YEATS4: variants seen among roughly 807,000 people sequenced by gnomAD.
YEATS4 encodes YEATS domain-containing protein 4.
A neutral mutation model predicts 30.1 loss-of-function variants in YEATS4; 17 were observed. The observed-to-expected ratio is 0.56, with a 90% CI of 0.39 to 0.85. The LOEUF (loss-of-function observed/expected upper bound fraction) is 0.85. YEATS4 is among the 40% of genes least tolerant of loss of function. YEATS4 has a pLI of 0.00. For synonymous variants in YEATS4, 85 were observed against 87.5 expected, an observed-to-expected ratio of 0.97 and a Z score of 0.16; for missense variants, 142 against 268.3, an observed-to-expected ratio of 0.53 and a Z score of 3.29.
chr12:69,390,424 A>T lies in YEATS4; in HGVS notation c.*108A>T. ...GTGATGTTTCTTAGAGGAACTTCAT[A>T]TACAGCTGTTGACCATGAATTTCTT... On this transcript the variant is annotated 3_prime_UTR_variant, in exon 7 of 7. Coordinates refer to ENST00000247843, the MANE Select transcript of YEATS4 (RefSeq NM_006530.4). The T allele has an allele frequency of 9.8e-7, 1 of 1,016,634 alleles. No individual in the cohort carries two copies. The highest frequency in any genetic ancestry group is 1.4e-6 in the Non-Finnish European group (1 of 728,950). 63.0% of individuals were successfully genotyped at this position (1,016,634 alleles called of 1,614,324 possible). A position where few individuals can be genotyped will look rare whatever the true frequency, so the allele number is the denominator to read the frequency against.
At chr12:69,383,839 T>A (rs1376190342) in intron 6 of YEATS4, among the ~76,000 whole-genome samples, 1 of 152,170 alleles carries the variant, frequency 6.6e-6, no homozygotes, top group Non-Finnish European at 1.5e-5. Flanking sequence ...GGAGCAGTAG[T>A]CTTTGAAGCA....
intron 6 of YEATS4, among the ~76,000 whole-genome samples, chr12:69,382,984 G>A (rs1341687255): frequency 6.6e-6 from 1 of 152,172 alleles, no homozygotes; most frequent in Non-Finnish European, 1.5e-5. Context: ...TGGCGGCCAG[G>A]TGTGATGGCT....
chr12:69,375,463 C>T (rs561969117), intron 6 of YEATS4, among the ~76,000 whole-genome samples: 11 of 151,704 alleles, frequency 7.3e-5, no homozygotes, highest in Middle Eastern at 3.4e-3. Context: ...AGACGATGGG[C>T]GGCCAGGCAG....
the YEATS4 span, among the ~76,000 whole-genome samples, chr12:69,408,393 A>G: frequency 6.6e-6 from 1 of 152,322 alleles, no homozygotes; most frequent in African/African-American, 2.4e-5. Flanking sequence ...TGCTTGCTGT[A>G]GGTTGAGTAT....
At chr12:69,379,824 A>G (rs1876004594) in intron 6 of YEATS4, among the ~76,000 whole-genome samples, 1 of 151,098 alleles carries the variant, frequency 6.6e-6, no homozygotes, top group Non-Finnish European at 1.5e-5. Context: ...TGAATTTGCA[A>G]ATAGCCTCTC....
At chr12:69,386,901 A>G (rs1328978708) in intron 6 of YEATS4, among the ~76,000 whole-genome samples, 1 of 152,194 alleles carries the variant, frequency 6.6e-6, no homozygotes, top group Non-Finnish European at 1.5e-5. Context: ...TAATTTATAA[A>G]TTAGGCACAA....
chr12:69,413,849 CAA>C, the YEATS4 span, among the ~76,000 whole-genome samples: 49 of 127,182 alleles, frequency 3.9e-4, no homozygotes, highest in Admixed American at 4.0e-4. Flanking sequence ...AAGACTTCGT[CAA>C]AAAAAAAAAA....
intron 4 of YEATS4, 44 bp from the exon 5 acceptor site, chr12:69,370,662 A>G: frequency 6.9e-7 from 1 of 1,457,426 alleles, no homozygotes; most frequent in Non-Finnish European, 9.1e-7. Flanking sequence ...TCTTATGATG[A>G]TAAAAACCAT....
chr12:69,374,189 G>T (rs1875754724), intron 6 of YEATS4, among the ~76,000 whole-genome samples: 1 of 151,782 alleles, frequency 6.6e-6, no homozygotes, highest in African/African-American at 2.4e-5. Context: ...TTTTGATAGG[G>T]ATTGCAGTGA....
chr12:69,391,379 C>T (rs12307413), downstream of YEATS4, among the ~76,000 whole-genome samples: 2 of 152,164 alleles, frequency 1.3e-5, no homozygotes, highest in African/African-American at 4.8e-5. Flanking sequence ...TACTCCTACC[C>T]TCTCCTCTTT....
At position 69,359,852 on chromosome 12, in the gene YEATS4, C is replaced by G; in HGVS notation, c.-121C>G. ...GCCGTGAGCCCAAGTAACTCGCCCT[C>G]CTTCGGCTAGAAACCCTCCGCCTGG... On this transcript the variant is annotated 5_prime_UTR_variant, in exon 1 of 7. Coordinates refer to ENST00000247843, the MANE Select transcript of YEATS4 (RefSeq NM_006530.4). 1 of 1,241,324 alleles carries G rather than the reference C, an allele frequency of 8.1e-7. No individual in the cohort carries two copies. Among genetic ancestry groups the G allele is most frequent in the South Asian group, 1.4e-5 (1 of 69,912 alleles). 76.9% of individuals were successfully genotyped at this position (1,241,324 alleles called of 1,614,324 possible). A position where few individuals can be genotyped will look rare whatever the true frequency, so the allele number is the denominator to read the frequency against.
intron 6 of YEATS4, among the ~76,000 whole-genome samples, chr12:69,386,550 A>AT (rs1868252499): frequency 6.6e-6 from 1 of 152,192 alleles, no homozygotes; most frequent in Admixed American, 6.5e-5. Flanking sequence ...TGATTACCTC[A>AT]TAACATTAGT....
At chr12:69,363,210 G>A (rs1304307325) in intron 2 of YEATS4, among the ~76,000 whole-genome samples, 1 of 151,606 alleles carries the variant, frequency 6.6e-6, no homozygotes, top group Admixed American at 6.6e-5. Flanking sequence ...AGCCAGGATG[G>A]TCTCAATCTC....
At position 69,388,399 on chromosome 12, in the gene YEATS4, G is replaced by C. The variant is rs559357117; in HGVS notation, c.515-1748G>C. On this transcript the variant is annotated intron_variant, in intron 6 of 6. Coordinates refer to ENST00000247843, the MANE Select transcript of YEATS4 (RefSeq NM_006530.4). ...TGGAGCCTTAGAAATGTTAGCATTC[G>C]GCTAATAAGGAAGCAAGGGTTTATT... Among the ~76,000 whole-genome samples the C allele has an allele frequency of 3.2e-4, 48 of 152,248 alleles. 1 individual carries two copies. In the Middle Eastern group the frequency reaches 0.01, roughly 32 times the overall value.
downstream of YEATS4, among the ~76,000 whole-genome samples, chr12:69,393,810 C>G (rs891186347): frequency 1.3e-5 from 2 of 152,210 alleles, no homozygotes; most frequent in Non-Finnish European, 2.9e-5. Context: ...TCTGAACTCT[C>G]GTGTGTGCTT....
chr12:69,365,565 G>T (rs1438872601), intron 2 of YEATS4, 68 bp from the exon 3 acceptor site: 1 of 1,112,982 alleles, frequency 9.0e-7, no homozygotes, highest in Admixed American at 1.9e-5. Flanking sequence ...AAGTATATAC[G>T]CTCAGTGTAT....
the YEATS4 span, among the ~76,000 whole-genome samples, chr12:69,419,301 G>A: frequency 2.0e-5 from 3 of 147,324 alleles, no homozygotes; most frequent in Non-Finnish European, 4.5e-5. Context: ...ACCCACTGCA[G>A]CCTCAACCTC....
chr12:69,361,161 G>A (rs941680298), intron 1 of YEATS4, among the ~76,000 whole-genome samples: 1 of 151,864 alleles, frequency 6.6e-6, no homozygotes, highest in African/African-American at 2.4e-5. Context: ...TCGTGCCACT[G>A]CACTCTAGCC....
the YEATS4 span, among the ~76,000 whole-genome samples, chr12:69,410,421 G>A: frequency 1.3e-5 from 2 of 152,050 alleles, no homozygotes; most frequent in Non-Finnish European, 2.9e-5. Flanking sequence ...TTCTTATAAT[G>A]AGCCCAAATC....
Sources: allele counts gnomAD v4.1 joint callset (sites outside exome capture counted in the v4.1 genomes callset), GRCh38; gene constraint gnomAD v4.1.1; transcripts MANE v1.5; gene names NCBI Gene and HGNC (gene_info 2026-07-23, HGNC 2026-07-21).